CLPTM1L: variants seen among roughly 807,000 people sequenced by gnomAD.
CLPTM1L encodes CLPTM1 like.
Under a neutral mutation model 70.9 loss-of-function variants are expected in CLPTM1L, and 38 were observed. That is an observed-to-expected ratio of 0.54 (90% CI 0.41 to 0.70). The LOEUF (loss-of-function observed/expected upper bound fraction) is 0.70, where lower values mean the gene tolerates loss of function less well. CLPTM1L is among the 30% of genes least tolerant of loss of function. CLPTM1L has a pLI of 0.00. For missense variants in CLPTM1L, 652 were observed against 705.9 expected, an observed-to-expected ratio of 0.92 and a Z score of 0.87; for synonymous variants, 339 against 299.9, an observed-to-expected ratio of 1.13 and a Z score of -1.35.
chr5:1,336,024 CTGGTGTCAGGGTGTGG>C (rs1450575950), intron 5 of CLPTM1L, among the ~76,000 whole-genome samples: 3 of 152,246 alleles, frequency 2.0e-5, no homozygotes, highest in African/African-American at 7.2e-5. Context: ...GCGGGCACTG[CTGGTGTCAGGGTGTGG>C]TGGAATCAGA....
chr5:1,318,740 G>A lies in CLPTM1L; in HGVS notation c.1533-287C>T, dbSNP rs962721915. On this transcript the variant is annotated intron_variant, in intron 16 of 16. Transcript: ENST00000320895. This position sits in a 1 kb window ranked among gnomAD's most constrained non-coding sequence, Gnocchi z 8.9. ...CTGCCATGGCTGAAGGGGGGACCCG[G>A]AGGCTGCACGGGCTGCCTTCTGGGA... Among the ~76,000 whole-genome samples, 1 of 152,172 alleles carries A rather than the reference G, an allele frequency of 6.6e-6. No individual in the cohort carries two copies. The highest frequency in any genetic ancestry group is 1.9e-4 in the East Asian group (1 of 5,190).
chr5:1,325,960 G>A (rs916081379), intron 9 of CLPTM1L, 144 bp from the exon 10 acceptor site: 1 of 676,906 alleles, frequency 1.5e-6, no homozygotes, highest in South Asian at 1.8e-5. Context: ...CCACAGCTCA[G>A]GCCAGAGCGC....
intron 3 of CLPTM1L, among the ~76,000 whole-genome samples, chr5:1,339,556 GA>G (rs543318619): frequency 5.4e-4 from 70 of 130,184 alleles, no homozygotes; most frequent in African/African-American, 2.1e-3. Context: ...CACGCACATG[GA>G]AAAACCGCGC....
intron 4 of CLPTM1L, 183 bp from the exon 5 acceptor site, chr5:1,338,165 T>A: frequency 1.6e-6 from 1 of 614,274 alleles, no homozygotes; most frequent in Non-Finnish European, 2.9e-6. Flanking sequence ...TGACAACATA[T>A]GCACGCTTGT....
In CLPTM1L at chr5:1,345,058, G is replaced by C. The variant is rs550508447; in HGVS notation, c.-217C>G. 2 of 160,784 alleles carry C rather than the reference G, an allele frequency of 1.2e-5. No individual in the cohort carries two copies. The highest frequency in any genetic ancestry group is 2.6e-5 in the Non-Finnish European group (2 of 76,530). The allele number at this position is 160,784 out of a possible 1,614,324, so 10.0% of individuals were successfully genotyped here. ...CCCACCTGGCGCCGCGGGATTCGCCGGCCCCGCGCGCCGCTTCCGGGCCCC... is the reference window on the plus strand; with the variant it reads ...CCCACCTGGCGCCGCGGGATTCGCCCGCCCCGCGCGCCGCTTCCGGGCCCC... On this transcript the variant is annotated 5_prime_UTR_variant, in exon 1 of 17. Coordinates refer to ENST00000320895, the MANE Select transcript of CLPTM1L (RefSeq NM_030782.5).
In CLPTM1L at chr5:1,338,392, G is replaced by C. The variant is rs867156809; in HGVS notation, c.600-410C>G. 69 of 275,420 alleles carry C rather than the reference G, an allele frequency of 2.5e-4. 1 individual carries two copies. The Middle Eastern group carries it at 3.4e-3, about 13-fold the overall frequency. The allele number at this position is 275,420 out of a possible 1,614,324, so 17.1% of individuals were successfully genotyped here. A position where few individuals can be genotyped will look rare whatever the true frequency, so the allele number is the denominator to read the frequency against. ...CACCTGCAGCCACCTGGGAGGCGGA[G>C]CTGTGGCGCAGGAGTTGGGGGGGGG... On this transcript the variant is annotated intron_variant, in intron 4 of 16. Transcript: ENST00000320895.
rs756050018 is a variant in CLPTM1L, at chr5:1,331,803, C to A, written c.972G>T (p.Lys324Asn). ...GGCCACGCTCGGGGGGCCTACCTGC[C>A]TTGGTGGACATGCCGATCATGCTCT... ...KKKSMIGMST[K>N]AVLWRCFSTV... The change falls in exon 8 of 17, where the codon AAG (lysine) becomes AAT (asparagine). Residue 324 changes from lysine (K) to asparagine (N), a missense_variant. By Grantham distance (94) the Lys-to-Asn change is moderately conservative. Around this residue, in one of 3 missense-constraint regions of CLPTM1L, gnomAD observed 240 missense variants for 295.0 expected, o/e 0.81. Coordinates refer to ENST00000320895, the MANE Select transcript of CLPTM1L (RefSeq NM_030782.5). 3.7e-6 allele frequency: 6 copies of A among 1,613,290 alleles called. No individual in the cohort carries two copies. The East Asian group carries it at 1.3e-4, about 36-fold the overall frequency.
At chr5:1,330,500 G>C in intron 8 of CLPTM1L, 117 bp from the exon 9 acceptor site, 1 of 726,506 alleles carries the variant, frequency 1.4e-6, no homozygotes, top group Non-Finnish European at 2.4e-6. Context: ...AGAAGCTTCA[G>C]GTACTCCCCA....
intron 2 of CLPTM1L, 104 bp from the exon 3 acceptor site, chr5:1,341,964 CAG>C: frequency 1.1e-6 from 1 of 920,696 alleles, no homozygotes. Context: ...AATTTTAGCT[CAG>C]AAGTACTAAA....
chr5:1,328,682 T>TCATCCAGCTCCTCCTCTATAGACACATTC (rs1752824587), intron 9 of CLPTM1L, among the ~76,000 whole-genome samples: 1 of 146,094 alleles, frequency 6.8e-6, no homozygotes, highest in Non-Finnish European at 1.5e-5. Context: ...CAGACACATT[T>TCATCCAGCTCCTCCTCTATAGACACATTC]CATCCAGCTC....
chr5:1,333,091 ATGAG>A (rs1753232878), intron 7 of CLPTM1L, among the ~76,000 whole-genome samples: 11 of 94,064 alleles, frequency 1.2e-4, no homozygotes, highest in African/African-American at 4.8e-4. Context: ...TACACACCGG[ATGAG>A]GATAAGGGGG....
At chr5:1,326,528 G>A (rs1374781805) in intron 9 of CLPTM1L, 14 of 245,992 alleles carry the variant, frequency 5.7e-5, no homozygotes, top group South Asian at 5.3e-4. Flanking sequence ...CTCCTCTACC[G>A]ACACATTTCA....
chr5:1,338,583 G>A (rs929911477), intron 4 of CLPTM1L, among the ~76,000 whole-genome samples: 6 of 152,222 alleles, frequency 3.9e-5, no homozygotes, highest in Non-Finnish European at 7.4e-5. Context: ...AAAGCAACCC[G>A]TTCCCATCAG....
intron 3 of CLPTM1L, among the ~76,000 whole-genome samples, chr5:1,339,966 C>T (rs1033384263): frequency 2.6e-5 from 4 of 152,148 alleles, no homozygotes; most frequent in African/African-American, 9.7e-5. Context: ...ACAGCAGGGT[C>T]GGCACCCTAA....
At chr5:1,334,418 G>A (rs752347643) in intron 6 of CLPTM1L, 35 bp from the exon 7 acceptor site, 4 of 1,404,272 alleles carry the variant, frequency 2.8e-6, no homozygotes, top group South Asian at 2.3e-5. Flanking sequence ...ATATAAAACA[G>A]GCAATGTCAA....
chr5:1,344,755 G>C lies in CLPTM1L; in HGVS notation c.87C>G (p.Gly29=). Residue 29 remains glycine, a synonymous_variant, in exon 1 of 17, where the codon GGC becomes GGG. Coordinates refer to ENST00000320895, the MANE Select transcript of CLPTM1L (RefSeq NM_030782.5). ...CGGAGCACGGGCGGGTGTAGACGAT[G>C]CCGTACATGACCCAGCAGGTGTGCA... The part of the protein sequence containing the change: ...YVVHTCWVMY[G]IVYTRPCSGD... 1 of 1,604,400 alleles carries C rather than the reference G, an allele frequency of 6.2e-7. No individual in the cohort carries two copies. The highest frequency in any genetic ancestry group is 8.5e-7 in the Non-Finnish European group (1 of 1,176,452).
chr5:1,325,699 A>T, intron 10 of CLPTM1L, 52 bp downstream of exon 10: 1 of 1,521,300 alleles, frequency 6.6e-7, no homozygotes, highest in Non-Finnish European at 9.1e-7. Flanking sequence ...CAGGGGGCAA[A>T]ATCACACTCT....
intron 4 of CLPTM1L, 81 bp downstream of exon 4, chr5:1,338,779 G>A: frequency 1.3e-6 from 2 of 1,563,454 alleles, no homozygotes; most frequent in South Asian, 2.3e-5. Context: ...CCACGGTGCA[G>A]GAGTGACCTG....
intron 3 of CLPTM1L, among the ~76,000 whole-genome samples, chr5:1,340,938 G>T (rs887574630): frequency 2.0e-5 from 3 of 151,748 alleles, no homozygotes; most frequent in Non-Finnish European, 4.4e-5. Context: ...GCTAATTTTT[G>T]TATTTTTAGT....
Sources: allele counts gnomAD v4.1 joint callset (sites outside exome capture counted in the v4.1 genomes callset), GRCh38; gene constraint gnomAD v4.1.1; regional missense constraint gnomAD v4.1.1; non-coding constraint Gnocchi (gnomAD v3.1); transcripts MANE v1.5; gene names NCBI Gene and HGNC (gene_info 2026-07-23, HGNC 2026-07-21).